The following UTRN variants were observed in gnomAD, a reference collection of about 807,000 sequenced individuals.
UTRN encodes the protein utrophin.
In UTRN, 283 loss-of-function variants were observed where a neutral mutation model predicts 463.9. The observed-to-expected ratio is 0.61, with a 90% CI of 0.55 to 0.67. UTRN has a LOEUF of 0.67. Ranked by LOEUF, UTRN falls within the 30% of genes least tolerant of loss-of-function variation. The probability of loss-of-function intolerance (pLI) is 0.00; values close to 1 mark genes in which losing one functional copy is unlikely to be tolerated. For synonymous variants in UTRN, 1,442 were observed against 1,431.5 expected, an observed-to-expected ratio of 1.01 and a Z score of -0.17; for missense variants, 3,922 against 4,084.3, an observed-to-expected ratio of 0.96 and a Z score of 1.08.
chr6:144,502,936 C>T (rs113017352), intron 34 of UTRN, among the ~76,000 whole-genome samples: 4 of 152,140 alleles, frequency 2.6e-5, no homozygotes, highest in African/African-American at 7.2e-5. Context: ...TTTTAATAAT[C>T]GCTATTCTAC....
At chr6:144,431,186 G>A (rs1785806900) in intron 9 of UTRN, among the ~76,000 whole-genome samples, 1 of 152,176 alleles carries the variant, frequency 6.6e-6, no homozygotes, top group African/African-American at 2.4e-5. Context: ...CATTTTGTTA[G>A]AAGGAGGAGA....
In UTRN at chr6:144,797,889, C is replaced by A. The variant is rs1168947031; in HGVS notation, c.9144C>A (p.Ser3048=). 2.1e-5 allele frequency: 34 copies of A among 1,613,990 alleles called. No individual in the cohort carries two copies. Among genetic ancestry groups the A allele is most frequent in the Non-Finnish European group, 2.3e-5 (27 of 1,180,004 alleles). Residue 3048 remains serine, a synonymous_variant, in exon 64 of 75, where the codon TCC becomes TCA. Coordinates refer to ENST00000367545, the MANE Select transcript of UTRN (RefSeq NM_007124.3). ...FIDWMHLEPQ[S]MVWLPVLHRV... Reference sequence around the variant, plus strand: ...ATTGGATGCATTTGGAACCACAGTCCATGGTTTGGCTCCCAGTTTTACATC... The same window carrying A: ...ATTGGATGCATTTGGAACCACAGTCAATGGTTTGGCTCCCAGTTTTACATC...
At chr6:144,702,516 T>C (rs911224825) in intron 53 of UTRN, among the ~76,000 whole-genome samples, 9 of 152,172 alleles carry the variant, frequency 5.9e-5, no homozygotes, top group African/African-American at 2.2e-4. Flanking sequence ...AGATGGACAC[T>C]AGACAAATAG....
In UTRN at chr6:144,828,841, C is replaced by A; in HGVS notation, c.9651C>A (p.Ser3217=). 6.2e-7 allele frequency: 1 copy of A among 1,613,386 alleles called. No homozygotes were observed. Among genetic ancestry groups the A allele is most frequent in the African/African-American group, 1.3e-5 (1 of 74,998 alleles). ...TNGSFLTDSS[S]TTGSVEDEHA... ...GGTCTTTTCTCACTGATAGCAGCTC[C>A]ACCACAGGAAGTGTGTAAGTAAATC... Residue 3217 remains serine (S), a synonymous_variant, in exon 69 of 75, where the codon TCC becomes TCA. Transcript: ENST00000367545.
At chr6:144,314,950 AT>A (rs148859561) in intron 2 of UTRN, among the ~76,000 whole-genome samples, 5 of 151,590 alleles carry the variant, frequency 3.3e-5, no homozygotes, top group East Asian at 1.9e-4. Context: ...CTCTCTATAT[AT>A]TTTTTTCCTT....
intron 3 of UTRN, among the ~76,000 whole-genome samples, chr6:144,406,819 G>A (rs1783462130): frequency 6.6e-6 from 1 of 152,098 alleles, no homozygotes; most frequent in Non-Finnish European, 1.5e-5. Flanking sequence ...TTGGTATATA[G>A]TGTGATGTTT....
At chr6:144,551,205 T>A in intron 48 of UTRN, 123 bp downstream of exon 48, 1 of 605,918 alleles carries the variant, frequency 1.7e-6, no homozygotes, top group Non-Finnish European at 2.7e-6. Context: ...TAGAAAGTAA[T>A]AGTGTTTAAT....
chr6:144,671,695 T>C (rs1472688977), intron 51 of UTRN, among the ~76,000 whole-genome samples: 2 of 152,174 alleles, frequency 1.3e-5, no homozygotes, highest in Non-Finnish European at 2.9e-5. Context: ...CAGTGCTATG[T>C]TGAATAGAAG....
chr6:144,426,392 A>G lies in UTRN; in HGVS notation c.511A>G (p.Asn171Asp). 6.2e-7 allele frequency: 1 copy of G among 1,614,164 alleles called. No homozygotes were observed. Among genetic ancestry groups the G allele is most frequent in the Non-Finnish European group, 8.5e-7 (1 of 1,180,014 alleles). Reference protein sequence around the residue: ...RQTTRPYSQVNVLNFTTSWTD... With the variant: ...RQTTRPYSQVDVLNFTTSWTD... ...GACCACCAGGCCCTACAGCCAAGTC[A>G]ACGTCCTCAACTTCACCACCAGCTG... The change falls in exon 7 of 75, where the codon AAC (asparagine) becomes GAC (aspartate). Residue 171 changes from asparagine (N) to aspartate (D), a missense_variant. By Grantham distance (23) the Asn-to-Asp change is conservative. Coordinates refer to ENST00000367545, the MANE Select transcript of UTRN (RefSeq NM_007124.3).
In UTRN at chr6:144,447,462, C is replaced by G. The variant is rs1050390707; in HGVS notation, c.1723-140C>G. 4.8e-6 allele frequency: 6 copies of G among 1,260,750 alleles called. No individual in the cohort carries two copies. The African/African-American group carries it at 9.1e-5, about 19-fold the overall frequency. The allele number at this position is 1,260,750 out of a possible 1,614,324, so 78.1% of individuals were successfully genotyped here. A position where few individuals can be genotyped will look rare whatever the true frequency, so the allele number is the denominator to read the frequency against. On this transcript the variant is annotated intron_variant, in intron 15 of 74. Coordinates refer to ENST00000367545, the MANE Select transcript of UTRN (RefSeq NM_007124.3). ...GCTGCCCTGTAACAATCTGGAACCA[C>G]GAGTCTTACCTTTTAGCATAGTGAA...
chr6:144,675,570 CTTGAG>C (rs1480470292), intron 51 of UTRN, among the ~76,000 whole-genome samples: 2 of 152,150 alleles, frequency 1.3e-5, no homozygotes, highest in Admixed American at 1.3e-4. Context: ...GCTGTCATAA[CTTGAG>C]TTGGTTGGCC....
At chr6:144,418,913 C>T (rs765089989) in intron 3 of UTRN, among the ~76,000 whole-genome samples, 3 of 152,098 alleles carry the variant, frequency 2.0e-5, no homozygotes, top group Non-Finnish European at 4.4e-5. Flanking sequence ...GGGTTTCAGG[C>T]TGCCCAGGTG....
intron 62 of UTRN, among the ~76,000 whole-genome samples, chr6:144,789,993 A>T (rs1776625472): frequency 6.6e-6 from 1 of 152,154 alleles, no homozygotes; most frequent in Admixed American, 6.5e-5. Flanking sequence ...AGGTTATGTG[A>T]TTTCATTGAA....
intron 65 of UTRN, among the ~76,000 whole-genome samples, chr6:144,812,259 A>G (rs1159046204): frequency 1.3e-5 from 2 of 152,072 alleles, no homozygotes; most frequent in Non-Finnish European, 2.9e-5. Flanking sequence ...GCTTCCTTTC[A>G]TGTGTTGCTT....
At position 144,598,520 on chromosome 6, in the gene UTRN, A is replaced by G. The variant is rs1400931494; in HGVS notation, c.7479+21232A>G. 3.3e-5 allele frequency among the ~76,000 whole-genome samples: 5 copies of G among 152,312 alleles called. No homozygotes were observed. In the South Asian group the frequency reaches 1.0e-3, roughly 32 times the overall value. On this transcript the variant is annotated intron_variant, in intron 51 of 74. Transcript: ENST00000367545. ...TAAAAACGTACCAGACTCTTAATTAATTCTCTCCTGGATAGGGAAAAAGAC... is the reference window on the plus strand; with the variant it reads ...TAAAAACGTACCAGACTCTTAATTAGTTCTCTCCTGGATAGGGAAAAAGAC...
At chr6:144,649,856 C>T (rs1778630987) in intron 51 of UTRN, among the ~76,000 whole-genome samples, 1 of 151,984 alleles carries the variant, frequency 6.6e-6, no homozygotes, top group South Asian at 2.1e-4. Context: ...TTTTCAAATT[C>T]AGTTAGGTTT....
chr6:144,825,224 G>A (rs1335485553), intron 66 of UTRN, among the ~76,000 whole-genome samples: 1 of 152,118 alleles, frequency 6.6e-6, no homozygotes, highest in African/African-American at 2.4e-5. Context: ...TCTGCTTTCT[G>A]GAATATTAGT....
In UTRN at chr6:144,622,314, G is replaced by A. The variant is rs779724650; in HGVS notation, c.7479+45026G>A. Among the ~76,000 whole-genome samples, 42 of 147,508 alleles carry A rather than the reference G, an allele frequency of 2.8e-4. No individual in the cohort carries two copies. The Middle Eastern group carries it at 0.011, about 38-fold the overall frequency. ...TAATTCTCCTGCCTCAGCCACCCAA[G>A]TAGCTGGGATTACAGGCATATGCCA... On this transcript the variant is annotated intron_variant, in intron 51 of 74. Transcript: ENST00000367545.
chr6:144,441,043 G>A (rs1267422920), intron 13 of UTRN, among the ~76,000 whole-genome samples: 1 of 152,168 alleles, frequency 6.6e-6, no homozygotes, highest in African/African-American at 2.4e-5. Flanking sequence ...CACTTAAAAT[G>A]TGGGAATTGT....
Sources: allele counts gnomAD v4.1 joint callset (sites outside exome capture counted in the v4.1 genomes callset), GRCh38; gene constraint gnomAD v4.1.1; transcripts MANE v1.5; gene names NCBI Gene and HGNC (gene_info 2026-07-23, HGNC 2026-07-21).